NDRG3: variants seen among roughly 807,000 people sequenced by gnomAD.
The protein encoded by NDRG3 is NDRG family member 3.
In NDRG3, 23 loss-of-function variants were observed where a neutral mutation model predicts 57.2. The observed-to-expected ratio is 0.40, with a 90% CI of 0.29 to 0.57. The LOEUF (loss-of-function observed/expected upper bound fraction) is 0.57, where lower values mean the gene tolerates loss of function less well. Among genes scored for constraint, NDRG3 ranks in the 20% least tolerant of loss-of-function variants. NDRG3 has a pLI of 0.42. For synonymous variants in NDRG3, 132 were observed against 162.6 expected (o/e 0.81, Z 1.43); for missense variants, 384 against 457.3 (o/e 0.84, Z 1.46).
intron 9 of NDRG3, among the ~76,000 whole-genome samples, chr20:36,669,560 T>A (rs747776794): frequency 1.3e-4 from 20 of 151,706 alleles, no homozygotes; most frequent in Non-Finnish European, 2.4e-4. Flanking sequence ...AGACAGGGTT[T>A]CTCCGTGTTG....
intron 1 of NDRG3, among the ~76,000 whole-genome samples, chr20:36,735,242 C>A (rs900565027): frequency 2.0e-5 from 3 of 152,174 alleles, no homozygotes; most frequent in African/African-American, 7.2e-5. Flanking sequence ...ATCCAAAATC[C>A]GAAGTGCTTC....
intron 2 of NDRG3, among the ~76,000 whole-genome samples, chr20:36,714,303 G>A (rs1440092599): frequency 2.7e-5 from 4 of 150,904 alleles, no homozygotes; most frequent in Non-Finnish European, 5.9e-5. Flanking sequence ...TACTCGGGAG[G>A]CTGAGGCAGG....
chr20:36,716,669 G>T (rs906665698), intron 2 of NDRG3, among the ~76,000 whole-genome samples: 1 of 152,120 alleles, frequency 6.6e-6, no homozygotes, highest in Non-Finnish European at 1.5e-5. Context: ...GCCAAGTGTG[G>T]CCTTCTACTT....
intron 8 of NDRG3, among the ~76,000 whole-genome samples, chr20:36,678,398 A>T (rs1288327843): frequency 6.6e-6 from 1 of 152,138 alleles, no homozygotes; most frequent in East Asian, 1.9e-4. Context: ...AAAACCCAGG[A>T]TTGGCCGGGT....
intron 1 of NDRG3, among the ~76,000 whole-genome samples, chr20:36,735,711 T>C (rs1012404167): frequency 6.6e-6 from 1 of 151,716 alleles, no homozygotes; most frequent in South Asian, 2.1e-4. Context: ...TTAAAGACAA[T>C]ACACTCAGGC....
intron 2 of NDRG3, among the ~76,000 whole-genome samples, chr20:36,712,979 T>C (rs1000401425): frequency 6.6e-6 from 1 of 152,130 alleles, no homozygotes; most frequent in Non-Finnish European, 1.5e-5. Context: ...CAGTGCAGCC[T>C]TGACCTCTGG....
At chr20:36,678,363 A>G (rs956856377) in intron 8 of NDRG3, among the ~76,000 whole-genome samples, 6 of 152,202 alleles carry the variant, frequency 3.9e-5, no homozygotes, top group African/African-American at 1.4e-4. Context: ...GCTTGACATC[A>G]CTGCCCCTTA....
intron 7 of NDRG3, 70 bp from the exon 8 acceptor site, chr20:36,680,972 G>T (rs1981235596): frequency 7.7e-7 from 1 of 1,297,464 alleles, no homozygotes; most frequent in African/African-American, 1.5e-5. Flanking sequence ...GTTGGAACAT[G>T]GTTGATCAAT....
chr20:36,656,239 C>A, intron 15 of NDRG3, 121 bp downstream of exon 15: 2 of 820,594 alleles, frequency 2.4e-6, no homozygotes, highest in East Asian at 2.6e-5. Flanking sequence ...ATTTCAGTTT[C>A]TACTTTGCTT....
intron 3 of NDRG3, among the ~76,000 whole-genome samples, chr20:36,697,372 GT>G (rs1021972933): frequency 9.2e-5 from 14 of 152,210 alleles, no homozygotes; most frequent in Admixed American, 3.3e-4. Context: ...TTTGTGGCAG[GT>G]TTTTTCCCCC....
At chr20:36,692,361 C>T (rs1044304756) in intron 3 of NDRG3, among the ~76,000 whole-genome samples, 1 of 152,100 alleles carries the variant, frequency 6.6e-6, no homozygotes, top group South Asian at 2.1e-4. Flanking sequence ...GTAGCTGGGA[C>T]TACAGGTGTG....
At chr20:36,707,035 C>A in intron 2 of NDRG3, 28 bp from the exon 3 acceptor site, 2 of 1,610,798 alleles carry the variant, frequency 1.2e-6, no homozygotes, top group South Asian at 2.2e-5. Flanking sequence ...AAAACACAGT[C>A]AGTTTCCCCA....
intron 1 of NDRG3, among the ~76,000 whole-genome samples, chr20:36,732,691 G>C (rs1422726324): frequency 6.6e-6 from 1 of 152,060 alleles, no homozygotes; most frequent in Non-Finnish European, 1.5e-5. Flanking sequence ...ATTTCCCCAG[G>C]TATTAGCCTA....
intron 12 of NDRG3, among the ~76,000 whole-genome samples, chr20:36,662,784 G>C (rs1348099655): frequency 6.6e-6 from 1 of 152,122 alleles, no homozygotes; most frequent in Non-Finnish European, 1.5e-5. Flanking sequence ...TCTACTTGTG[G>C]TATAGACAGG....
At chr20:36,728,144 C>T (rs1049079465) in intron 1 of NDRG3, among the ~76,000 whole-genome samples, 11 of 151,898 alleles carry the variant, frequency 7.2e-5, no homozygotes, top group Admixed American at 2.0e-4. Flanking sequence ...AACTCCGCCT[C>T]CCAAGTTCAC....
intron 1 of NDRG3, among the ~76,000 whole-genome samples, chr20:36,730,380 A>G (rs1985207998): frequency 6.6e-6 from 1 of 151,966 alleles, no homozygotes; most frequent in South Asian, 2.1e-4. Context: ...TCAGCCTCCC[A>G]AAGAGCTAAG....
At chr20:36,704,475 T>C (rs1215693678) in intron 3 of NDRG3, among the ~76,000 whole-genome samples, 4 of 152,224 alleles carry the variant, frequency 2.6e-5, no homozygotes, top group Non-Finnish European at 5.9e-5. Flanking sequence ...ATACTATTTC[T>C]GGAGTTCCTC....
intron 1 of NDRG3, among the ~76,000 whole-genome samples, chr20:36,733,167 AAAAAATAT>A (rs1458641327): frequency 6.8e-5 from 2 of 29,278 alleles, no homozygotes; most frequent in African/African-American, 3.1e-4. Flanking sequence ...AAAAAAAAAA[AAAAAATAT>A]ATATATATAT....
At chr20:36,716,296 G>A (rs990245720) in intron 2 of NDRG3, among the ~76,000 whole-genome samples, 2 of 152,072 alleles carry the variant, frequency 1.3e-5, no homozygotes, top group Non-Finnish European at 2.9e-5. Flanking sequence ...ACTTTGGGAG[G>A]CCGAGGCGGA....
Sources: allele counts gnomAD v4.1 joint callset (sites outside exome capture counted in the v4.1 genomes callset), GRCh38; gene constraint gnomAD v4.1.1; transcripts MANE v1.5; gene names NCBI Gene and HGNC (gene_info 2026-07-23, HGNC 2026-07-21).